KCTD16: variants seen among roughly 807,000 people sequenced by gnomAD.
KCTD16 encodes the protein potassium channel tetramerization domain containing 16, also known as BTB/POZ domain-containing protein KCTD16.
A neutral mutation model predicts 33.2 loss-of-function variants in KCTD16; 13 were observed. The observed-to-expected ratio is 0.39, with a 90% CI of 0.25 to 0.62. The LOEUF (loss-of-function observed/expected upper bound fraction) is 0.62. Ranked by LOEUF, KCTD16 falls within the 20% of genes least tolerant of loss-of-function variation. The pLI, the probability that KCTD16 is intolerant of heterozygous loss-of-function variation, is 0.50. For missense variants in KCTD16, 441 were observed against 525.1 expected (o/e 0.84, Z 1.57); for synonymous variants, 197 against 195.3 (o/e 1.01, Z -0.07).
At chr5:144,277,731 T>C (rs1755476972) in intron 3 of KCTD16, among the ~76,000 whole-genome samples, 3 of 152,352 alleles carry the variant, frequency 2.0e-5, no homozygotes, top group Admixed American at 1.3e-4. Flanking sequence ...AATAGGTGTG[T>C]AGTTATAGCT....
intron 3 of KCTD16, among the ~76,000 whole-genome samples, chr5:144,438,265 AT>A (rs1488796207): frequency 6.6e-6 from 1 of 152,200 alleles, no homozygotes; most frequent in African/African-American, 2.4e-5. Flanking sequence ...AGATATTTTC[AT>A]TTTTAATTGA....
At chr5:144,421,379 A>G (rs1428663465) in intron 3 of KCTD16, among the ~76,000 whole-genome samples, 1 of 152,106 alleles carries the variant, frequency 6.6e-6, no homozygotes, top group Admixed American at 6.6e-5. Flanking sequence ...GTGTAAATCT[A>G]TTGTCCTGGG....
intron 3 of KCTD16, among the ~76,000 whole-genome samples, chr5:144,364,171 A>G (rs188155150): frequency 1.3e-5 from 2 of 152,282 alleles, no homozygotes; most frequent in Non-Finnish European, 2.9e-5. Flanking sequence ...AGCCCCTTCT[A>G]TGCTTTTGAA....
intron 3 of KCTD16, among the ~76,000 whole-genome samples, chr5:144,324,535 G>C (rs986566991): frequency 2.0e-5 from 3 of 152,056 alleles, no homozygotes; most frequent in Admixed American, 6.6e-5. Flanking sequence ...CAAAGACCTA[G>C]AACCAGAAAT....
At chr5:144,233,265 C>T (rs912224937) in intron 3 of KCTD16, among the ~76,000 whole-genome samples, 6 of 152,000 alleles carry the variant, frequency 3.9e-5, no homozygotes, top group African/African-American at 9.7e-5. Context: ...ATGGTAGGCA[C>T]CAGCTGAGAT....
chr5:144,431,765 C>A (rs1312950356), intron 3 of KCTD16, among the ~76,000 whole-genome samples: 1 of 152,092 alleles, frequency 6.6e-6, no homozygotes, highest in Non-Finnish European at 1.5e-5. Flanking sequence ...TATTCCGACA[C>A]AATACTATGT....
chr5:144,420,270 T>C (rs1188928240), intron 3 of KCTD16, among the ~76,000 whole-genome samples: 1 of 152,064 alleles, frequency 6.6e-6, no homozygotes, highest in African/African-American at 2.4e-5. Context: ...GGAATGCAGA[T>C]TGAACTAAGG....
chr5:144,281,119 T>C (rs1580842348), intron 3 of KCTD16, among the ~76,000 whole-genome samples: 2 of 152,204 alleles, frequency 1.3e-5, no homozygotes, highest in Admixed American at 1.3e-4. Flanking sequence ...CAGGCGGAGG[T>C]TGCAGTGAGC....
At chr5:144,361,272 G>A (rs1183272147) in intron 3 of KCTD16, among the ~76,000 whole-genome samples, 2 of 152,076 alleles carry the variant, frequency 1.3e-5, no homozygotes, top group Non-Finnish European at 2.9e-5. Flanking sequence ...TAATCATTTG[G>A]GTGTATACCT....
chr5:144,184,244 A>G (rs1752682330), intron 2 of KCTD16, among the ~76,000 whole-genome samples: 1 of 152,150 alleles, frequency 6.6e-6, no homozygotes, highest in Non-Finnish European at 1.5e-5. Context: ...TATCTCCATT[A>G]AACTTCCCAC....
chr5:144,379,681 T>G (rs950196031), intron 3 of KCTD16, among the ~76,000 whole-genome samples: 4 of 152,134 alleles, frequency 2.6e-5, no homozygotes, highest in Non-Finnish European at 5.9e-5. Flanking sequence ...TTCTTTTAAA[T>G]TAAAGTTTCA....
chr5:144,275,666 T>A (rs192837613), intron 3 of KCTD16, among the ~76,000 whole-genome samples: 67 of 152,264 alleles, frequency 4.4e-4, no homozygotes, highest in African/African-American at 1.6e-3. Context: ...ACTCTAAATT[T>A]AAAAATAAAT....
At chr5:144,333,139 G>A (rs1022535928) in intron 3 of KCTD16, among the ~76,000 whole-genome samples, 9 of 152,140 alleles carry the variant, frequency 5.9e-5, no homozygotes, top group East Asian at 5.8e-4. Context: ...AAACCCATCA[G>A]TAAATATGTT....
rs1220877443 is a variant in KCTD16 at position 144,452,842 on chromosome 5, A to C, written c.833-20818A>C. ...GGGAAGGACTACCTGAACCCTCCCC[A>C]TGTGCTCACATCAGTGGAGAATTAG... On this transcript the variant is annotated intron_variant, in intron 3 of 3. Coordinates refer to ENST00000512467, the MANE Select transcript of KCTD16 (RefSeq NM_020768.4). 3.3e-5 allele frequency among the ~76,000 whole-genome samples: 5 copies of C among 152,026 alleles called. No homozygotes were observed. The East Asian group carries it at 9.7e-4, about 29-fold the overall frequency.
intron 3 of KCTD16, among the ~76,000 whole-genome samples, chr5:144,262,775 G>C (rs1201681738): frequency 6.6e-6 from 1 of 152,148 alleles, no homozygotes; most frequent in East Asian, 1.9e-4. Context: ...TGATTCATCT[G>C]TCCTCTGTGA....
chr5:144,389,110 G>A (rs1212322673), intron 3 of KCTD16, among the ~76,000 whole-genome samples: 1 of 152,156 alleles, frequency 6.6e-6, no homozygotes, highest in Non-Finnish European at 1.5e-5. Flanking sequence ...TACTTCAGCA[G>A]ATGAAGTCAG....
intron 3 of KCTD16, among the ~76,000 whole-genome samples, chr5:144,465,182 C>G (rs1175090213): frequency 2.0e-5 from 2 of 99,280 alleles, no homozygotes; most frequent in Non-Finnish European, 4.0e-5. Context: ...GTCTCTCTCT[C>G]CCCCCCCTCT....
At chr5:144,347,549 C>G (rs536633623) in intron 3 of KCTD16, among the ~76,000 whole-genome samples, 1 of 152,084 alleles carries the variant, frequency 6.6e-6, no homozygotes, top group Non-Finnish European at 1.5e-5. Flanking sequence ...GAGCCGAGAT[C>G]GCACCATCGC....
At chr5:144,241,354 A>G (rs1039854282) in intron 3 of KCTD16, among the ~76,000 whole-genome samples, 1 of 152,174 alleles carries the variant, frequency 6.6e-6, no homozygotes, top group South Asian at 2.1e-4. Flanking sequence ...CATTGAAAGC[A>G]CTCATCATGT....
Sources: gnomAD v4.1 joint callset for allele counts (sites outside exome capture counted in the v4.1 genomes callset) on GRCh38, gnomAD v4.1.1 for gene constraint, MANE v1.5 for transcripts, NCBI Gene and HGNC (gene_info 2026-07-23, HGNC 2026-07-21) for gene names.